The following RGSL1 variants were observed in gnomAD, a reference collection of about 807,000 sequenced individuals.
RGSL1 encodes regulator of G protein signaling protein-like.
Under a neutral mutation model 124.7 loss-of-function variants are expected in RGSL1, and 97 were observed. The observed-to-expected ratio is 0.78, with a 90% confidence interval of 0.66 to 0.92. The LOEUF is 0.92. Ranked by LOEUF, RGSL1 falls within the 40% of genes least tolerant of loss-of-function variation. RGSL1 has a pLI of 0.00. For missense variants in RGSL1, 1,233 were observed against 1,288.4 expected, an observed-to-expected ratio of 0.96 and a Z score of 0.66; for synonymous variants, 424 against 438.1, an observed-to-expected ratio of 0.97 and a Z score of 0.40.
At chr1:182,508,340 C>A (rs573304724) in intron 9 of RGSL1, among the ~76,000 whole-genome samples, 7 of 96,112 alleles carry the variant, frequency 7.3e-5, no homozygotes, top group South Asian at 7.0e-4. Context: ...CTCTTTGTTG[C>A]CCAGGCTGGA....
intron 2 of RGSL1, among the ~76,000 whole-genome samples, chr1:182,454,356 C>T (rs1652104962): frequency 6.6e-6 from 1 of 152,192 alleles, no homozygotes; most frequent in Non-Finnish European, 1.5e-5. Context: ...TCTACCCTCA[C>T]TGGGTACCCC....
At chr1:182,453,718 C>G (rs993028148) in intron 1 of RGSL1, among the ~76,000 whole-genome samples, 2 of 152,188 alleles carry the variant, frequency 1.3e-5, no homozygotes, top group African/African-American at 4.8e-5. Flanking sequence ...TCGCCTTCTT[C>G]ATAAACGGAA....
At chr1:182,463,571 T>A (rs1365820251) in intron 4 of RGSL1, among the ~76,000 whole-genome samples, 1 of 152,124 alleles carries the variant, frequency 6.6e-6, no homozygotes, top group Non-Finnish European at 1.5e-5. Context: ...CTGTCTTCCC[T>A]CCCCTTCCAA....
At chr1:182,472,872 T>C (rs914317448) in intron 5 of RGSL1, among the ~76,000 whole-genome samples, 4 of 152,210 alleles carry the variant, frequency 2.6e-5, no homozygotes, top group African/African-American at 9.7e-5. Flanking sequence ...ATTTTATTTT[T>C]TTAATTGGGA....
intron 3 of RGSL1, 77 bp downstream of exon 3, chr1:182,458,470 G>A: frequency 8.1e-7 from 1 of 1,240,114 alleles, no homozygotes; most frequent in East Asian, 2.6e-5. Flanking sequence ...TTGTTAATTT[G>A]TTTTTGTTTT....
intron 9 of RGSL1, 56 bp downstream of exon 9, chr1:182,493,185 G>A (rs1571563891): frequency 1.7e-6 from 2 of 1,188,012 alleles, no homozygotes; most frequent in African/African-American, 1.5e-5. Flanking sequence ...AAATCTAAGA[G>A]AAAATCTGTA....
chr1:182,453,629 T>G lies in RGSL1; in HGVS notation c.14-329T>G, dbSNP rs1193573844. On this transcript the variant is annotated intron_variant, in intron 1 of 21. Transcript: ENST00000294854. ...TTTAAGGGGACTTAAGTGAATTCTG[T>G]CAAGCTTCAGAGGGCGTGATTTTTA... 4 of 198,702 alleles carry G rather than the reference T, an allele frequency of 2.0e-5. No homozygotes were observed. In the East Asian group the frequency reaches 4.6e-4, roughly 23 times the overall value. 12.3% of individuals were successfully genotyped at this position (198,702 alleles called of 1,614,324 possible). A position where few individuals can be genotyped will look rare whatever the true frequency, so the allele number is the denominator to read the frequency against.
intron 7 of RGSL1, 69 bp downstream of exon 7, chr1:182,488,416 A>G: frequency 2.2e-6 from 3 of 1,337,452 alleles, no homozygotes; most frequent in African/African-American, 2.9e-5. Flanking sequence ...TTACTGTTTT[A>G]AAAGGGTTAT....
Position 182,460,228 on chromosome 1 carries a change from A to T in RGSL1, c.301+95A>T, listed in dbSNP as rs184547727. ...CACTTCATAATAATCTTATGCCTGT[A>T]TGTGTGTGTGTGTGTGTGTAGAAAT... On this transcript the variant is annotated intron_variant, in intron 4 of 21. Coordinates refer to ENST00000294854, the MANE Select transcript of RGSL1 (RefSeq NM_001137669.2). The T allele has an allele frequency of 1.1e-3, 1,432 of 1,353,854 alleles. 17 individuals are homozygous for T. In the African/African-American group the frequency reaches 0.023, roughly 22 times the overall value. 83.9% of individuals were successfully genotyped at this position (1,353,854 alleles called of 1,614,324 possible).
intron 4 of RGSL1, among the ~76,000 whole-genome samples, chr1:182,461,448 A>G (rs2102000154): frequency 1.3e-5 from 2 of 152,266 alleles, no homozygotes; most frequent in South Asian, 4.1e-4. Context: ...TTAACAAAAA[A>G]AAATCAGAAG....
At chr1:182,479,668 G>A (rs757716214) in intron 6 of RGSL1, among the ~76,000 whole-genome samples, 8 of 152,082 alleles carry the variant, frequency 5.3e-5, no homozygotes, top group South Asian at 2.1e-4. Context: ...AATGTAAATC[G>A]TCTTAACTCT....
At chr1:182,513,617 A>G (rs775450034) in intron 9 of RGSL1, among the ~76,000 whole-genome samples, 2 of 152,128 alleles carry the variant, frequency 1.3e-5, no homozygotes, top group Non-Finnish European at 2.9e-5. Flanking sequence ...GGGTTTGTGG[A>G]CTTGCATGGT....
intron 18 of RGSL1, 58 bp from the exon 19 acceptor site, chr1:182,553,397 T>C (rs547139720): frequency 4.6e-6 from 6 of 1,309,184 alleles, no homozygotes; most frequent in African/African-American, 4.4e-5. Context: ...CTTAGAGAGA[T>C]TTATTTCAGT....
intron 9 of RGSL1, among the ~76,000 whole-genome samples, chr1:182,504,025 G>A (rs910818669): frequency 5.0e-5 from 7 of 140,410 alleles, no homozygotes; most frequent in Non-Finnish European, 9.0e-5. Context: ...CTGTCACCCA[G>A]GCTGGAATGC....
At chr1:182,450,141 A>G (rs1651695199), upstream of RGSL1, 1 of 1,551,940 alleles carries the variant, frequency 6.4e-7, no homozygotes, top group East Asian at 2.4e-5. Context: ...CTAACAAATT[A>G]CTGTGTCAGG....
chr1:182,482,549 G>A (rs1403570022), intron 6 of RGSL1, among the ~76,000 whole-genome samples: 1 of 152,162 alleles, frequency 6.6e-6, no homozygotes, highest in African/African-American at 2.4e-5. Flanking sequence ...AAACTAATTA[G>A]CGAATTCAGT....
At chr1:182,449,365 A>G (rs541648460), upstream of RGSL1, 1 of 151,786 alleles carries the variant, frequency 6.6e-6, no homozygotes, top group Non-Finnish European at 1.5e-5. Context: ...TTTTCCCTCC[A>G]CCCCCCATAG....
chr1:182,467,836 C>T (rs1042539255), intron 4 of RGSL1, among the ~76,000 whole-genome samples: 14 of 152,110 alleles, frequency 9.2e-5, no homozygotes, highest in African/African-American at 1.9e-4. Flanking sequence ...AGGCAACCTA[C>T]GGAATGGAAG....
chr1:182,548,470 C>T lies in RGSL1; in HGVS notation c.2808+15C>T, dbSNP rs1357552089. The T allele has an allele frequency of 1.3e-6, 2 of 1,551,274 alleles. No homozygotes were observed. The highest frequency in any genetic ancestry group is 1.2e-5 in the South Asian group (1 of 83,926). Reference sequence around the variant, plus strand: ...CAAAGCTGAGGGTAAGAAAGACTCCCACTCCACTCTGGCCTTTCACCAAGA... The same window carrying T: ...CAAAGCTGAGGGTAAGAAAGACTCCTACTCCACTCTGGCCTTTCACCAAGA... On this transcript the variant is annotated intron_variant, in intron 16 of 21. Coordinates refer to ENST00000294854, the MANE Select transcript of RGSL1 (RefSeq NM_001137669.2).
Sources: gnomAD v4.1 joint callset for allele counts (sites outside exome capture counted in the v4.1 genomes callset) on GRCh38, gnomAD v4.1.1 for gene constraint, MANE v1.5 for transcripts, NCBI Gene and HGNC (gene_info 2026-07-23, HGNC 2026-07-21) for gene names.